The following DNAH11 variants were observed in gnomAD, a reference collection of about 807,000 sequenced individuals.
The protein encoded by DNAH11 is dynein axonemal heavy chain 11.
DNAH11 carries 442 observed loss-of-function variants against 526.0 expected under a neutral mutation model. That is an observed-to-expected ratio of 0.84 (90% confidence interval 0.78 to 0.91). The LOEUF is 0.91. Among genes scored for constraint, DNAH11 ranks in the 40% least tolerant of loss-of-function variants. DNAH11 has a pLI of 0.00. For missense variants in DNAH11, 6,989 were observed against 5,448.7 expected (o/e 1.28, Z -8.90); for synonymous variants, 2,461 against 1,935.9 (o/e 1.27, Z -7.12).
intron 67 of DNAH11, among the ~76,000 whole-genome samples, chr7:21,853,799 A>G (rs1427853102): frequency 6.6e-6 from 1 of 152,262 alleles, no homozygotes; most frequent in Non-Finnish European, 1.5e-5. Context: ...ATATGGACAT[A>G]TGGATGATCC....
At chr7:21,698,755 CA>C (rs981770663) in intron 36 of DNAH11, among the ~76,000 whole-genome samples, 1 of 151,892 alleles carries the variant, frequency 6.6e-6, no homozygotes, top group Non-Finnish European at 1.5e-5. Context: ...TTTGCAATTG[CA>C]AATTGTGCTT....
chr7:21,750,088 A>G (rs1397838748), intron 53 of DNAH11, 134 bp from the exon 54 acceptor site: 1 of 1,218,554 alleles, frequency 8.2e-7, no homozygotes, highest in East Asian at 2.6e-5. Flanking sequence ...AAAAAGAAAC[A>G]TGACGTTTCT....
At chr7:21,603,879 A>G (rs1416241055) in intron 18 of DNAH11, among the ~76,000 whole-genome samples, 3 of 152,190 alleles carry the variant, frequency 2.0e-5, no homozygotes, top group South Asian at 2.1e-4. Context: ...TTTGTATTAT[A>G]TAAGTTTGGT....
intron 8 of DNAH11, among the ~76,000 whole-genome samples, chr7:21,581,127 G>A (rs1202576689): frequency 6.6e-6 from 1 of 152,216 alleles, no homozygotes; most frequent in East Asian, 1.9e-4. Flanking sequence ...GTTTACAGAG[G>A]TGGCAAAGGC....
chr7:21,592,910 C>G (rs1402766531), intron 14 of DNAH11, among the ~76,000 whole-genome samples: 1 of 152,042 alleles, frequency 6.6e-6, no homozygotes, highest in Non-Finnish European at 1.5e-5. Context: ...TGGTTTTGGA[C>G]AAGTTAGTTA....
At chr7:21,705,632 C>T (rs1288377101) in intron 39 of DNAH11, 95 bp downstream of exon 39, 13 of 1,164,960 alleles carry the variant, frequency 1.1e-5, no homozygotes, top group African/African-American at 4.5e-5. Context: ...AAGAATTCCC[C>T]TCCATGAAGC....
rs1789339709 is a variant in DNAH11 at position 21,807,885 on chromosome 7, A to C, written c.10168A>C (p.Lys3390Gln). ...GAGTAATTTCATCTTTCAGTCAGAG[A>C]AGATTCGCTGGGGTCAATCCATTAA... ...NRLVKELEAKKIRWGQSIKSF... is the reference protein window; with the variant it reads ...NRLVKELEAKQIRWGQSIKSF... The change falls in exon 63 of 82, where the codon AAG becomes CAG. Residue 3390 changes from lysine to glutamine, a missense_variant and splice_region_variant. Physicochemically the swap from Lys to Gln is moderately conservative, Grantham distance 53. Coordinates refer to ENST00000409508, the MANE Select transcript of DNAH11 (RefSeq NM_001277115.2). The C allele has an allele frequency of 1.3e-6, 2 of 1,591,486 alleles. No homozygotes were observed. The highest frequency in any genetic ancestry group is 1.3e-5 in the African/African-American group (1 of 74,598).
At chr7:21,828,502 C>G (rs941431371) in intron 65 of DNAH11, among the ~76,000 whole-genome samples, 1 of 152,078 alleles carries the variant, frequency 6.6e-6, no homozygotes, top group Non-Finnish European at 1.5e-5. Flanking sequence ...ATAAAGCATT[C>G]TCACATTCAG....
chr7:21,717,859 A>T lies in DNAH11; in HGVS notation c.7068A>T (p.Ala2356=). 1 of 1,613,948 alleles carries T rather than the reference A, an allele frequency of 6.2e-7. No homozygotes were observed. The highest frequency in any genetic ancestry group is 8.5e-7 in the Non-Finnish European group (1 of 1,179,836). The change falls in exon 43 of 82, where the codon GCA becomes GCT. Residue 2356 remains alanine, a synonymous_variant. Transcript: ENST00000409508. ...TTCTTTTTGATAAATATGTCCCTGC[A>T]TGCTTGGATAAACTGAGAACAAGCT... ...LTILFDKYVP[A]CLDKLRTSFK...
At chr7:21,827,783 T>A (rs980543095) in intron 65 of DNAH11, among the ~76,000 whole-genome samples, 43 of 152,260 alleles carry the variant, frequency 2.8e-4, no homozygotes, top group African/African-American at 1.0e-3. Flanking sequence ...TTATTAACTA[T>A]TATTATGTTT....
chr7:21,829,686 C>G (rs1405894463), intron 65 of DNAH11, among the ~76,000 whole-genome samples: 1 of 152,154 alleles, frequency 6.6e-6, no homozygotes, highest in East Asian at 1.9e-4. Context: ...CCAACAGTAA[C>G]TATACTAAAT....
Position 21,789,317 on chromosome 7 carries a change from T to A in DNAH11, c.10001T>A (p.Leu3334Gln). The change falls in exon 61 of 82, where the codon CTA becomes CAA. Residue 3334 changes from leucine (L) to glutamine (Q), a missense_variant. Coordinates refer to ENST00000409508, the MANE Select transcript of DNAH11 (RefSeq NM_001277115.2). ...NLELAAATEK[L>Q]EAIRKKLVDL... is the part of the protein sequence containing the mutation. ...GAACTGGCTGCAGCTACTGAAAAAC[T>A]AGAGGCTATCAGGAAAAAGCTTGTG... 6.4e-7 allele frequency: 1 copy of A among 1,572,638 alleles called. No homozygotes were observed. The highest frequency in any genetic ancestry group is 2.3e-5 in the East Asian group (1 of 42,808).
At chr7:21,873,633 AGG>A in intron 74 of DNAH11, 132 bp downstream of exon 74, 2 of 822,210 alleles carry the variant, frequency 2.4e-6, no homozygotes, top group Non-Finnish European at 3.9e-6. Flanking sequence ...GTGGAAGGGT[AGG>A]GGTGGGCGTG....
rs1463915066 is a variant in DNAH11, at chr7:21,842,656, C to T, written c.10804C>T (p.Leu3602Phe). The change falls in exon 66 of 82, where the codon CTC becomes TTC. Residue 3602 changes from leucine (L) to phenylalanine (F), a missense_variant. Physicochemically the swap from Leu to Phe is conservative, Grantham distance 22 (BLOSUM62 0). Coordinates refer to ENST00000409508, the MANE Select transcript of DNAH11 (RefSeq NM_001277115.2). ...YKPELQAQTTLLNFTVTEDGL... is the reference protein window; with the variant it reads ...YKPELQAQTTFLNFTVTEDGL... ...GCCGGAATTACAAGCTCAGACAACTCTCCTCAATTTCACAGTCACAGAAGA... is the reference window on the plus strand; with the variant it reads ...GCCGGAATTACAAGCTCAGACAACTTTCCTCAATTTCACAGTCACAGAAGA... The T allele has an allele frequency of 1.2e-6, 2 of 1,613,812 alleles. No individual in the cohort carries two copies. Among genetic ancestry groups the T allele is most frequent in the African/African-American group, 2.7e-5 (2 of 74,926 alleles).
At chr7:21,690,503 T>A (rs1783570492) in intron 34 of DNAH11, among the ~76,000 whole-genome samples, 1 of 152,226 alleles carries the variant, frequency 6.6e-6, no homozygotes, top group Non-Finnish European at 1.5e-5. Flanking sequence ...GTCTTTATTT[T>A]TATATTCTAG....
intron 76 of DNAH11, among the ~76,000 whole-genome samples, chr7:21,892,139 T>A (rs1003168841): frequency 6.6e-6 from 1 of 152,172 alleles, no homozygotes; most frequent in Non-Finnish European, 1.5e-5. Context: ...CCAGGCTCTG[T>A]GATGGCTCAT....
intron 30 of DNAH11, among the ~76,000 whole-genome samples, chr7:21,659,622 G>C (rs145402118): frequency 6.6e-6 from 1 of 152,140 alleles, no homozygotes; most frequent in East Asian, 1.9e-4. Context: ...AGGAGTTTAA[G>C]TATTAGTTTG....
At chr7:21,861,334 T>C (rs954105067) in intron 68 of DNAH11, among the ~76,000 whole-genome samples, 1 of 152,240 alleles carries the variant, frequency 6.6e-6, no homozygotes, top group Non-Finnish European at 1.5e-5. Context: ...GTTGTACTTT[T>C]GTAATCTTAC....
chr7:21,752,472 C>G (rs934892153), intron 54 of DNAH11, among the ~76,000 whole-genome samples: 1 of 151,974 alleles, frequency 6.6e-6, no homozygotes, highest in African/African-American at 2.4e-5. Context: ...TGTAAGAGTT[C>G]TATGTATTTA....
Sources: allele counts gnomAD v4.1 joint callset (sites outside exome capture counted in the v4.1 genomes callset), GRCh38; gene constraint gnomAD v4.1.1; transcripts MANE v1.5; gene names NCBI Gene and HGNC (gene_info 2026-07-23, HGNC 2026-07-21).